Variants in MYRFL observed in about 807,000 individuals in gnomAD.
MYRFL encodes myelin regulatory factor-like protein.
In MYRFL, 88 loss-of-function variants were observed where a neutral mutation model predicts 109.4. The ratio of observed to expected loss-of-function variants is 0.80; its 90% confidence interval spans 0.68 to 0.96. MYRFL has a LOEUF of 0.96. MYRFL is among the 40% of genes least tolerant of loss of function. MYRFL has a pLI of 0.00. For missense variants in MYRFL, 957 were observed against 954.9 expected (o/e 1.00, Z -0.03); for synonymous variants, 324 against 320.9 (o/e 1.01, Z -0.10).
chr12:69,839,520 A>G (rs1234700309), intron 1 of MYRFL, among the ~76,000 whole-genome samples: 1 of 152,178 alleles, frequency 6.6e-6, no homozygotes, highest in East Asian at 1.9e-4. Context: ...ACAATTCTGC[A>G]AAAAGCAAAG....
chr12:69,946,820 G>A (rs1001922105), intron 19 of MYRFL: 2 of 152,234 alleles, frequency 1.3e-5, no homozygotes, highest in African/African-American at 4.8e-5. Flanking sequence ...ATTGAAATCT[G>A]GGTCCCCCAC....
chr12:69,859,114 G>C (rs1884481971), intron 2 of MYRFL, among the ~76,000 whole-genome samples: 2 of 151,820 alleles, frequency 1.3e-5, no homozygotes, highest in Non-Finnish European at 2.9e-5. Flanking sequence ...TGACTCATGG[G>C]TTGCTGGAAA....
intron 23 of MYRFL, 23 bp from the exon 24 acceptor site, chr12:69,958,226 A>G (rs1350382007): frequency 5.3e-6 from 8 of 1,515,830 alleles, no homozygotes; most frequent in East Asian, 2.4e-5. Flanking sequence ...TACGAAATGG[A>G]TCCTCTTTTA....
chr12:69,840,463 A>T (rs1487731237), intron 1 of MYRFL, among the ~76,000 whole-genome samples: 1 of 152,126 alleles, frequency 6.6e-6, no homozygotes, highest in Non-Finnish European at 1.5e-5. Flanking sequence ...CCCAAGTTGT[A>T]TCAAAAGCTC....
At chr12:69,936,078 G>GGTT in intron 16 of MYRFL, 35 bp from the exon 17 acceptor site, 2 of 891,622 alleles carry the variant, frequency 2.2e-6, no homozygotes, top group Non-Finnish European at 2.9e-6. Flanking sequence ...GCCACATAAT[G>GGTT]TTTTTTTTTT....
At chr12:69,922,379 G>A (rs1157796516) in intron 13 of MYRFL, among the ~76,000 whole-genome samples, 3 of 152,004 alleles carry the variant, frequency 2.0e-5, no homozygotes, top group African/African-American at 7.3e-5. Context: ...ACCTGTACCA[G>A]GATTAGAAAA....
At position 69,958,839 on chromosome 12, in the gene MYRFL, A is replaced by C. The variant is rs1956152828; in HGVS notation, c.*308A>C. ...TGGTATTAAGGAAGTTGTGAGCTCA[A>C]AATAAGGAGATCTAGCCTCTATTTT... On this transcript the variant is annotated 3_prime_UTR_variant, in exon 25 of 25. Coordinates refer to ENST00000552032, the MANE Select transcript of MYRFL (RefSeq NM_182530.3). 3.8e-6 allele frequency: 1 copy of C among 261,390 alleles called. No individual in the cohort carries two copies. Among genetic ancestry groups the C allele is most frequent in the Admixed American group, 5.1e-5 (1 of 19,590 alleles). The allele number at this position is 261,390 out of a possible 1,614,324, so 16.2% of individuals were successfully genotyped here.
At chr12:69,885,963 A>G (rs1592756169) in intron 5 of MYRFL, among the ~76,000 whole-genome samples, 1 of 152,172 alleles carries the variant, frequency 6.6e-6, no homozygotes, top group African/African-American at 2.4e-5. Flanking sequence ...TAAGACTCCA[A>G]GTGAATAAAT....
intron 2 of MYRFL, among the ~76,000 whole-genome samples, chr12:69,864,392 T>C (rs1884884326): frequency 6.6e-6 from 1 of 152,108 alleles, no homozygotes; most frequent in Non-Finnish European, 1.5e-5. Context: ...GATTTGACTT[T>C]AAGTTCACTG....
chr12:69,846,285 C>G (rs1883538916), intron 1 of MYRFL, among the ~76,000 whole-genome samples: 1 of 150,838 alleles, frequency 6.6e-6, no homozygotes, highest in South Asian at 2.1e-4. Flanking sequence ...GTGTGCTGCA[C>G]CCATTAACTC....
intron 16 of MYRFL, among the ~76,000 whole-genome samples, chr12:69,932,869 GTGTGTGTGTGTGTT>G (rs896682366): frequency 1.3e-4 from 19 of 150,800 alleles, no homozygotes; most frequent in African/African-American, 4.6e-4. Context: ...TTTCGTGTGT[GTGTGTGTGTGTGTT>G]TGTGTGTGTG....
At position 69,943,869 on chromosome 12, in the gene MYRFL, T is replaced by C. The variant is rs1029311448; in HGVS notation, c.2224+7237T>C. Among the ~76,000 whole-genome samples, 35 of 152,162 alleles carry C rather than the reference T, an allele frequency of 2.3e-4. No homozygotes were observed. In the East Asian group the frequency reaches 5.6e-3, roughly 24 times the overall value. On this transcript the variant is annotated intron_variant, in intron 19 of 24. Transcript: ENST00000552032. ...ACAAACAGCCCCATCAAAAAGTGGA[T>C]GAAGGACATGAACAGACACTTCTCA... is the stretch of plus-strand genomic sequence containing the variant.
chr12:69,938,753 G>A (rs914911903), intron 19 of MYRFL, among the ~76,000 whole-genome samples: 10 of 152,198 alleles, frequency 6.6e-5, no homozygotes, highest in Admixed American at 1.3e-4. Context: ...GCAGAAGACG[G>A]GTGATTTCTG....
chr12:69,894,186 T>C (rs550962782), intron 8 of MYRFL, among the ~76,000 whole-genome samples: 1 of 151,878 alleles, frequency 6.6e-6, no homozygotes, highest in South Asian at 2.1e-4. Context: ...TTAGTAGAGA[T>C]GGGGTTTCAT....
chr12:69,950,771 TC>T (rs1389600632), intron 19 of MYRFL, among the ~76,000 whole-genome samples: 1 of 152,220 alleles, frequency 6.6e-6, no homozygotes, highest in Non-Finnish European at 1.5e-5. Flanking sequence ...GTTATTTATT[TC>T]TTTTTTTACA....
chr12:69,923,725 C>G (rs1954982457), intron 13 of MYRFL, among the ~76,000 whole-genome samples: 2 of 151,660 alleles, frequency 1.3e-5, no homozygotes, highest in Non-Finnish European at 2.9e-5. Context: ...GGCTCTATCT[C>G]TCTGGGAATG....
chr12:69,931,413 A>G (rs533637754), intron 15 of MYRFL, among the ~76,000 whole-genome samples: 1 of 152,198 alleles, frequency 6.6e-6, no homozygotes, highest in Non-Finnish European at 1.5e-5. Context: ...TGACTCAGTT[A>G]CAATAGCCCT....
At chr12:69,855,449 C>A in intron 2 of MYRFL, 79 bp downstream of exon 2, 1 of 642,796 alleles carries the variant, frequency 1.6e-6, no homozygotes, top group Non-Finnish European at 2.8e-6. Flanking sequence ...AGTGTTCCCT[C>A]CTCTTCTGTT....
chr12:69,861,699 G>T (rs1279196984), intron 2 of MYRFL, among the ~76,000 whole-genome samples: 4 of 152,060 alleles, frequency 2.6e-5, no homozygotes, highest in African/African-American at 4.8e-5. Context: ...TTTGTAGGTT[G>T]CCTGTTCACT....
Sources: gnomAD v4.1 joint callset for allele counts (sites outside exome capture counted in the v4.1 genomes callset) on GRCh38, gnomAD v4.1.1 for gene constraint, MANE v1.5 for transcripts, NCBI Gene and HGNC (gene_info 2026-07-23, HGNC 2026-07-21) for gene names.